Variants in MAN2A1 observed in about 807,000 individuals in gnomAD.
MAN2A1 encodes the protein mannosidase alpha class 2A member 1, also known as alpha-mannosidase 2.
A neutral mutation model predicts 142.6 loss-of-function variants in MAN2A1; 76 were observed. The ratio of observed to expected loss-of-function variants is 0.53; its 90% CI spans 0.44 to 0.65. The LOEUF (loss-of-function observed/expected upper bound fraction) is 0.65. Ranked by LOEUF, MAN2A1 falls within the 30% of genes least tolerant of loss-of-function variation. The pLI is 0.00. For missense variants in MAN2A1, 1,311 were observed against 1,365.1 expected, an observed-to-expected ratio of 0.96 and a Z score of 0.62; for synonymous variants, 559 against 473.2, an observed-to-expected ratio of 1.18 and a Z score of -2.35.
At chr5:109,855,404 G>A (rs1429322058) in intron 20 of MAN2A1, 70 bp downstream of exon 20, 1 of 1,006,556 alleles carries the variant, frequency 9.9e-7, no homozygotes, top group Admixed American at 3.4e-5. Flanking sequence ...GGTAAGGAAA[G>A]GAGAAAAAAA....
At chr5:109,692,186 G>A (rs984058553) in intron 1 of MAN2A1, among the ~76,000 whole-genome samples, 18 of 152,144 alleles carry the variant, frequency 1.2e-4, no homozygotes, top group Non-Finnish European at 2.5e-4. Context: ...TTCAGTTACT[G>A]AGAAATCTTA....
At chr5:109,762,980 G>C (rs1002078938) in intron 5 of MAN2A1, among the ~76,000 whole-genome samples, 2 of 152,176 alleles carry the variant, frequency 1.3e-5, no homozygotes, top group East Asian at 3.9e-4. Context: ...AGCAGAAATA[G>C]GAAACAAAAA....
chr5:109,766,559 C>G (rs1397643736), intron 5 of MAN2A1, among the ~76,000 whole-genome samples: 1 of 152,016 alleles, frequency 6.6e-6, no homozygotes, highest in Non-Finnish European at 1.5e-5. Flanking sequence ...TCTTTGTTGT[C>G]TTGTGTGTTA....
chr5:109,758,974 GTCTTGATTACTATAGC>G (rs1322882061), intron 5 of MAN2A1, among the ~76,000 whole-genome samples: 1 of 151,984 alleles, frequency 6.6e-6, no homozygotes, highest in Non-Finnish European at 1.5e-5. Flanking sequence ...GTACCGTACT[GTCTTGATTACTATAGC>G]TTGTATAAGC....
intron 12 of MAN2A1, among the ~76,000 whole-genome samples, chr5:109,813,279 T>C (rs1480975774): frequency 6.6e-6 from 1 of 152,236 alleles, no homozygotes; most frequent in Non-Finnish European, 1.5e-5. Flanking sequence ...GAGAAAGTTC[T>C]TCACATTTGA....
chr5:109,738,040 G>A (rs1349761335), intron 4 of MAN2A1, among the ~76,000 whole-genome samples: 4 of 152,088 alleles, frequency 2.6e-5, no homozygotes, highest in Admixed American at 6.6e-5. Flanking sequence ...GTTCAGCTGC[G>A]TGAAGTTTTG....
intron 4 of MAN2A1, among the ~76,000 whole-genome samples, chr5:109,734,821 G>A (rs1404830415): frequency 6.6e-6 from 1 of 152,150 alleles, no homozygotes; most frequent in Non-Finnish European, 1.5e-5. Flanking sequence ...TAGGTGTGGT[G>A]CGGTGCTGAA....
intron 3 of MAN2A1, among the ~76,000 whole-genome samples, chr5:109,716,934 C>T (rs1751471342): frequency 6.6e-6 from 1 of 152,116 alleles, no homozygotes; most frequent in South Asian, 2.1e-4. Flanking sequence ...CCACAGATTC[C>T]TCCCTTCCCC....
At chr5:109,833,893 G>A (rs1754995354) in intron 16 of MAN2A1, among the ~76,000 whole-genome samples, 1 of 152,168 alleles carries the variant, frequency 6.6e-6, no homozygotes, top group Non-Finnish European at 1.5e-5. Context: ...CAAGCAATTG[G>A]AAACCATGTG....
intron 4 of MAN2A1, among the ~76,000 whole-genome samples, chr5:109,734,882 T>G (rs1254162239): frequency 6.6e-6 from 1 of 152,214 alleles, no homozygotes; most frequent in Non-Finnish European, 1.5e-5. Flanking sequence ...AGATGTCTGT[T>G]AGGTCCACTT....
intron 7 of MAN2A1, among the ~76,000 whole-genome samples, chr5:109,773,609 G>C (rs1242875078): frequency 2.6e-5 from 4 of 151,902 alleles, no homozygotes; most frequent in Non-Finnish European, 5.9e-5. Flanking sequence ...AGAAAACTAA[G>C]CATTATATGT....
chr5:109,768,571 A>G (rs1053989429), intron 6 of MAN2A1, among the ~76,000 whole-genome samples: 1 of 152,168 alleles, frequency 6.6e-6, no homozygotes, highest in Non-Finnish European at 1.5e-5. Context: ...TCTGAAAGAA[A>G]TATTTTGTTT....
intron 3 of MAN2A1, among the ~76,000 whole-genome samples, chr5:109,717,498 A>G (rs1751488839): frequency 1.3e-5 from 2 of 152,076 alleles, no homozygotes; most frequent in Admixed American, 6.6e-5. Context: ...CAGTTATTAC[A>G]CCTCACCTTC....
At chr5:109,805,184 C>G (rs1754133763) in intron 12 of MAN2A1, among the ~76,000 whole-genome samples, 1 of 152,066 alleles carries the variant, frequency 6.6e-6, no homozygotes, top group South Asian at 2.1e-4. Context: ...GGTGACAAGA[C>G]TCTTGGGGTC....
chr5:109,741,906 T>C (rs1752278754), intron 4 of MAN2A1, among the ~76,000 whole-genome samples: 1 of 152,246 alleles, frequency 6.6e-6, no homozygotes, highest in African/African-American at 2.4e-5. Context: ...AGAAGCTGCC[T>C]TCCATTAAAT....
intron 1 of MAN2A1, 113 bp downstream of exon 1, chr5:109,690,665 C>A: frequency 8.3e-7 from 1 of 1,211,716 alleles, no homozygotes; most frequent in Non-Finnish European, 1.2e-6. Context: ...CCGTGCTGGG[C>A]GAGGCCAGGG....
Position 109,690,285 on chromosome 5 carries a change from GCACCC to G in MAN2A1, c.-132_-128del. 1 of 892,932 alleles carries G rather than the reference GCACCC, an allele frequency of 1.1e-6. No individual in the cohort carries two copies. The highest frequency in any genetic ancestry group is 1.8e-6 in the Non-Finnish European group (1 of 559,854). The allele number at this position is 892,932 out of a possible 1,614,324, so 55.3% of individuals were successfully genotyped here. A position where few individuals can be genotyped will look rare whatever the true frequency, so the allele number is the denominator to read the frequency against. ...TAGGTGCGGAGCAAGGCGGGGACTC[GCACCC>G]GCATCCGAGAGCGCGGAGGTCGCGC... On this transcript the variant is annotated 5_prime_UTR_variant, in exon 1 of 22. Coordinates refer to ENST00000261483, the MANE Select transcript of MAN2A1 (RefSeq NM_002372.4).
intron 4 of MAN2A1, among the ~76,000 whole-genome samples, chr5:109,735,805 G>T (rs969889136): frequency 6.7e-6 from 1 of 149,946 alleles, no homozygotes; most frequent in Non-Finnish European, 1.5e-5. Flanking sequence ...AATCTTTTTG[G>T]ATTTTGATGA....
intron 4 of MAN2A1, among the ~76,000 whole-genome samples, chr5:109,736,733 C>G (rs920365412): frequency 6.6e-6 from 1 of 151,480 alleles, no homozygotes; most frequent in East Asian, 1.9e-4. Context: ...TGGTTTTTGC[C>G]CACCTTACCC....
Sources: allele counts gnomAD v4.1 joint callset (sites outside exome capture counted in the v4.1 genomes callset), GRCh38; gene constraint gnomAD v4.1.1; transcripts MANE v1.5; gene names NCBI Gene and HGNC (gene_info 2026-07-23, HGNC 2026-07-21).